The following TMEM80 variants were observed in gnomAD, a reference collection of about 807,000 sequenced individuals.
The protein encoded by TMEM80 is transmembrane protein 80.
A neutral mutation model predicts 13.6 loss-of-function variants in TMEM80; 16 were observed. That is an observed-to-expected ratio of 1.17 (90% CI 0.79 to 1.78). The LOEUF is 1.78. Ranked by LOEUF, TMEM80 falls within the 40% of genes most tolerant of loss-of-function variation. The pLI is 0.00. For synonymous variants in TMEM80, 92 were observed against 89.5 expected (o/e 1.03, Z -0.16); for missense variants, 167 against 184.6 (o/e 0.90, Z 0.55).
downstream of TMEM80, chr11:704,276 G>T: frequency 1.4e-6 from 1 of 721,470 alleles, no homozygotes; most frequent in South Asian, 1.8e-5. Flanking sequence ...GTGGACTCCT[G>T]AGGGCAGGAG....
intron 3 of TMEM80, 125 bp from the exon 4 acceptor site, chr11:700,490 G>T: frequency 1.2e-6 from 1 of 839,990 alleles, no homozygotes; most frequent in South Asian, 1.4e-5. Context: ...TTGCGCCACT[G>T]AACTCCATCC....
intron 4 of TMEM80, among the ~76,000 whole-genome samples, chr11:701,375 GTT>G (rs71464108): frequency 1.8e-4 from 23 of 124,324 alleles, no homozygotes; most frequent in South Asian, 8.2e-4. Context: ...GTTTTGTTTT[GTT>G]TTTTTTTGGT....
At chr11:704,155 C>A (rs1450406509), downstream of TMEM80, 7 of 1,107,060 alleles carry the variant, frequency 6.3e-6, no homozygotes, top group East Asian at 6.9e-5. Context: ...CCACCTCCCC[C>A]ACCCCATCTC....
chr11:701,696 A>G (rs571269900), intron 4 of TMEM80, among the ~76,000 whole-genome samples: 3 of 152,156 alleles, frequency 2.0e-5, no homozygotes, highest in African/African-American at 2.4e-5. Context: ...GGCGTGAGCC[A>G]CCGCGCCCGG....
downstream of TMEM80, chr11:704,768 C>A: frequency 1.4e-6 from 1 of 692,332 alleles, no homozygotes; most frequent in Non-Finnish European, 2.1e-6. Context: ...CCTGGACTGT[C>A]TCCTGAGGGC....
At chr11:701,656 A>T (rs183249063) in intron 4 of TMEM80, among the ~76,000 whole-genome samples, 3 of 150,926 alleles carry the variant, frequency 2.0e-5, no homozygotes, top group Non-Finnish European at 3.0e-5. Flanking sequence ...TGATCCGCCC[A>T]CCTCGGCCTC....
downstream of TMEM80, chr11:704,731 C>T (rs1032556425): frequency 2.5e-5 from 28 of 1,124,078 alleles, no homozygotes; most frequent in Admixed American, 7.3e-5. Context: ...CCAGGTGACC[C>T]GGAGTGGATG....
At chr11:700,095 G>T (rs372415357) in intron 2 of TMEM80, 47 bp from the exon 3 acceptor site, 64 of 1,542,464 alleles carry the variant, frequency 4.1e-5, no homozygotes, top group Non-Finnish European at 5.5e-5. Context: ...CACCTGGGAG[G>T]CTGCTCCCAA....
At chr11:704,843 C>G, downstream of TMEM80, 3 of 370,954 alleles carry the variant, frequency 8.1e-6, no homozygotes, top group Non-Finnish European at 1.6e-5. Context: ...CCCCACCCCC[C>G]AGCTGTCCTC....
chr11:701,623 A>C lies in TMEM80; in HGVS notation c.226+916A>C, dbSNP rs568034989. On this transcript the variant is annotated intron_variant, in intron 4 of 4. Coordinates refer to ENST00000397510, the MANE Select transcript of TMEM80 (RefSeq NM_001042463.3). ...ATGGGGTTTCACCATGTTAGCCAGG[A>C]TGGTTTCCATCTCCTGACCTCCTGA... Among the ~76,000 whole-genome samples the C allele has an allele frequency of 8.3e-4, 126 of 151,598 alleles. 2 individuals are homozygous for C. The highest frequency in any genetic ancestry group is 4.1e-3 in the East Asian group (21 of 5,076).
intron 2 of TMEM80, chr11:699,523 G>GAT (rs1861347637): frequency 6.5e-6 from 1 of 154,246 alleles, no homozygotes; most frequent in Admixed American, 6.4e-5. Flanking sequence ...GAGGTGGACA[G>GAT]ATCACTTGAC....
intron 3 of TMEM80, 60 bp from the exon 4 acceptor site, chr11:700,555 G>T: frequency 7.8e-6 from 10 of 1,281,372 alleles, no homozygotes; most frequent in African/African-American, 1.5e-5. Flanking sequence ...AAGGCAAGCT[G>T]AGGTGGCTGC....
Position 700,626 on chromosome 11 carries a change from A to G in TMEM80, c.145A>G (p.Ser49Gly), listed in dbSNP as rs781760079. The change falls in exon 4 of 5, where the codon AGC becomes GGC. Residue 49 changes from serine to glycine, a missense_variant. Transcript: ENST00000397510. ...LMITYKSQVF[S>G]YPHRYLVLDL... ...CCTCTGCTCTTCAGGTCAGGTGTTCAGCTATCCTCACCGCTACCTGGTCCT... is the reference window on the plus strand; with the variant it reads ...CCTCTGCTCTTCAGGTCAGGTGTTCGGCTATCCTCACCGCTACCTGGTCCT... 3.0e-5 allele frequency: 49 copies of G among 1,613,688 alleles called. No individual in the cohort carries two copies. The highest frequency in any genetic ancestry group is 3.7e-5 in the Non-Finnish European group (44 of 1,180,004).
intron 1 of TMEM80, chr11:697,989 C>T (rs1861276494): frequency 6.6e-6 from 1 of 152,290 alleles, no homozygotes; most frequent in African/African-American, 2.4e-5. Flanking sequence ...TCTGTCCTGC[C>T]CTCCCTGGCG....
chr11:702,443 C>T (rs750090382), intron 4 of TMEM80, among the ~76,000 whole-genome samples: 2 of 152,264 alleles, frequency 1.3e-5, no homozygotes, highest in East Asian at 1.9e-4. Context: ...AAGCGCGCCG[C>T]ACACTGCAGG....
chr11:703,756 C>G lies in TMEM80; in HGVS notation c.*606C>G. On this transcript the variant is annotated 3_prime_UTR_variant, in exon 5 of 5. Transcript: ENST00000397510. ...AATAAATGCAAACAAGCCAACAGCTCTGCTGCCTAGCAATTTCCATCTTAG... is the reference window on the plus strand; with the variant it reads ...AATAAATGCAAACAAGCCAACAGCTGTGCTGCCTAGCAATTTCCATCTTAG... 8.1e-7 allele frequency: 1 copy of G among 1,233,040 alleles called. No homozygotes were observed. Among genetic ancestry groups the G allele is most frequent in the Non-Finnish European group, 1.0e-6 (1 of 988,984 alleles). The allele number at this position is 1,233,040 out of a possible 1,614,324, so 76.4% of individuals were successfully genotyped here.
At chr11:698,111 A>T (rs1371207115) in intron 1 of TMEM80, 1 of 152,266 alleles carries the variant, frequency 6.6e-6, no homozygotes, top group African/African-American at 2.4e-5. Flanking sequence ...CTAGATGTGT[A>T]TTGAGGTATC....
Position 700,646 on chromosome 11 carries a change from G to A in TMEM80, c.165G>A (p.Leu55=). The change falls in exon 4 of 5, where the codon CTG becomes CTA. Residue 55 remains leucine (L), a synonymous_variant. Transcript: ENST00000397510. ...SQVFSYPHRY[L]VLDLALLFLM... is the part of the protein sequence containing the mutation. ...TGTTCAGCTATCCTCACCGCTACCT[G>A]GTCCTCGATCTTGCTCTGCTGTTTC... 3.7e-6 allele frequency: 6 copies of A among 1,614,128 alleles called. No individual in the cohort carries two copies. The highest frequency in any genetic ancestry group is 5.1e-6 in the Non-Finnish European group (6 of 1,180,024).
In TMEM80 at chr11:703,016, C is replaced by G; in HGVS notation, c.298C>G (p.Leu100Val). The change falls in exon 5 of 5, where the codon CTC becomes GTC. Residue 100 changes from leucine (L) to valine (V), a missense_variant. By Grantham distance (32) the Leu-to-Val change is conservative. Coordinates refer to ENST00000397510, the MANE Select transcript of TMEM80 (RefSeq NM_001042463.3). ...ASLALTAGTA[L>V]LSAHFLLWQA... ...CCTGGCCCTCACGGCTGGCACCGCC[C>G]TCCTCTCTGCCCACTTCCTGCTTTG... The G allele has an allele frequency of 6.2e-7, 1 of 1,612,548 alleles. No individual in the cohort carries two copies. The highest frequency in any genetic ancestry group is 8.5e-7 in the Non-Finnish European group (1 of 1,179,848).
Sources: gnomAD v4.1 joint callset for allele counts (sites outside exome capture counted in the v4.1 genomes callset) on GRCh38, gnomAD v4.1.1 for gene constraint, MANE v1.5 for transcripts, NCBI Gene and HGNC (gene_info 2026-07-23, HGNC 2026-07-21) for gene names.